Variants in LRRC37A2 observed in about 807,000 individuals in gnomAD.
LRRC37A2 encodes leucine-rich repeat-containing protein 37A2.
In LRRC37A2, 9 loss-of-function variants were observed where a neutral mutation model predicts 68.8. That is an observed-to-expected ratio of 0.13 (90% CI 0.08 to 0.23). LRRC37A2 has a LOEUF of 0.23. LRRC37A2 is among the 10% of genes least tolerant of loss of function. LRRC37A2 has a pLI of 1.00. For synonymous variants in LRRC37A2, 63 were observed against 367.6 expected, an observed-to-expected ratio of 0.17 and a Z score of 9.48; for missense variants, 168 against 950.4, an observed-to-expected ratio of 0.18 and a Z score of 10.82.
At chr17:46,954,113 G>A in the LRRC37A2 span, among the ~76,000 whole-genome samples, 1 of 152,190 alleles carries the variant, frequency 6.6e-6, no homozygotes, top group Non-Finnish European at 1.5e-5. Flanking sequence ...CCTTGCCCAT[G>A]CCTATGTCCT....
At chr17:46,901,288 A>G in the LRRC37A2 span, among the ~76,000 whole-genome samples, 1 of 152,042 alleles carries the variant, frequency 6.6e-6, no homozygotes, top group African/African-American at 2.4e-5. Context: ...CAGCCTCCCA[A>G]GTAGCTGGGA....
chr17:46,936,397 C>G, the LRRC37A2 span: 1 of 985,240 alleles, frequency 1.0e-6, no homozygotes, highest in African/African-American at 1.7e-5. Flanking sequence ...ACACCTCTTG[C>G]CACCCACACT....
the LRRC37A2 span, among the ~76,000 whole-genome samples, chr17:46,863,774 G>A: frequency 6.6e-6 from 1 of 152,138 alleles, no homozygotes; most frequent in African/African-American, 2.4e-5. Flanking sequence ...TGAGGGGAGG[G>A]TCCCCTTTCT....
At chr17:46,490,282 CTT>C in the LRRC37A2 span, among the ~76,000 whole-genome samples, 1 of 151,270 alleles carries the variant, frequency 6.6e-6, no homozygotes, top group South Asian at 2.1e-4. Context: ...TCCAATAAAA[CTT>C]TATTTACAAA....
intron 8 of LRRC37A2, among the ~76,000 whole-genome samples, chr17:46,544,975 G>A (rs549416594): frequency 7.1e-6 from 1 of 140,248 alleles, no homozygotes; most frequent in Non-Finnish European, 1.6e-5. Flanking sequence ...CTTGTAAATT[G>A]TCCCACAATC....
the LRRC37A2 span, among the ~76,000 whole-genome samples, chr17:46,888,256 G>A: frequency 6.6e-6 from 1 of 152,154 alleles, no homozygotes; most frequent in African/African-American, 2.4e-5. Flanking sequence ...TGGGGAGTTG[G>A]AGGGAGAGGG....
the LRRC37A2 span, among the ~76,000 whole-genome samples, chr17:46,882,985 A>T: frequency 3.5e-5 from 5 of 144,772 alleles, no homozygotes; most frequent in Admixed American, 6.9e-5. Context: ...CATGATCCCC[A>T]TTTTTTTTTT....
At chr17:46,862,627 G>A in the LRRC37A2 span, among the ~76,000 whole-genome samples, 1 of 152,148 alleles carries the variant, frequency 6.6e-6, no homozygotes. Context: ...CTGTCGCCCA[G>A]GCTGGAGTGC....
At chr17:46,445,244 C>T in the LRRC37A2 span, among the ~76,000 whole-genome samples, 4 of 69,364 alleles carry the variant, frequency 5.8e-5, no homozygotes, top group Admixed American at 3.5e-4. Context: ...TATCTTAATG[C>T]TTATCTAATT....
the LRRC37A2 span, among the ~76,000 whole-genome samples, chr17:47,025,703 T>C: frequency 4.4e-5 from 6 of 136,866 alleles, no homozygotes; most frequent in East Asian, 2.1e-4. Context: ...CCTTTGTCCA[T>C]AGAGGTGTGT....
downstream of LRRC37A2, chr17:46,556,011 AT>A (rs1224103305): frequency 3.6e-6 from 1 of 279,420 alleles, no homozygotes; most frequent in Non-Finnish European, 4.1e-6. Context: ...GATGTAAGGG[AT>A]GGTTTAGAAG....
the LRRC37A2 span, among the ~76,000 whole-genome samples, chr17:46,967,950 G>T: frequency 6.6e-6 from 1 of 152,210 alleles, no homozygotes; most frequent in African/African-American, 2.4e-5. Flanking sequence ...GACAGGCTTG[G>T]TGAAGGAGTG....
chr17:46,634,501 A>AG, the LRRC37A2 span, among the ~76,000 whole-genome samples: 1 of 118,660 alleles, frequency 8.4e-6, no homozygotes, highest in Non-Finnish European at 1.9e-5. Context: ...TGGCCAACAT[A>AG]GTGAAATCCT....
the LRRC37A2 span, among the ~76,000 whole-genome samples, chr17:46,952,501 G>A: frequency 6.6e-6 from 1 of 152,192 alleles, no homozygotes; most frequent in East Asian, 1.9e-4. Flanking sequence ...AGACTTTCTT[G>A]CAGGTAGGGG....
chr17:46,843,270 C>T, the LRRC37A2 span, among the ~76,000 whole-genome samples: 1 of 152,242 alleles, frequency 6.6e-6, no homozygotes, highest in Non-Finnish European at 1.5e-5. Context: ...ACTTTTTCAA[C>T]CTCCTCTCAC....
the LRRC37A2 span, among the ~76,000 whole-genome samples, chr17:46,837,907 T>C: frequency 2.6e-4 from 39 of 152,194 alleles, no homozygotes; most frequent in African/African-American, 9.1e-4. Context: ...GGGAAAAAAG[T>C]GCCTGGAGGA....
At chr17:46,807,677 T>C in the LRRC37A2 span, among the ~76,000 whole-genome samples, 1 of 152,244 alleles carries the variant, frequency 6.6e-6, no homozygotes, top group African/African-American at 2.4e-5. Context: ...CAAGTCTTTA[T>C]TGAGGATCCA....
At chr17:46,870,634 G>A in the LRRC37A2 span, among the ~76,000 whole-genome samples, 1 of 152,306 alleles carries the variant, frequency 6.6e-6, no homozygotes, top group Admixed American at 6.5e-5. Flanking sequence ...ATTTCTGAGG[G>A]CACCTGGGGC....
chr17:46,940,736 A>G, the LRRC37A2 span: 1 of 1,583,352 alleles, frequency 6.3e-7, no homozygotes, highest in Non-Finnish European at 8.6e-7. Flanking sequence ...GCTTTGATGA[A>G]CCCTCATGCT....
Sources: gnomAD v4.1 joint callset for allele counts (sites outside exome capture counted in the v4.1 genomes callset) on GRCh38, gnomAD v4.1.1 for gene constraint, MANE v1.5 for transcripts, NCBI Gene and HGNC (gene_info 2026-07-23, HGNC 2026-07-21) for gene names.